CAMKV: variants seen among roughly 807,000 people sequenced by gnomAD.
CAMKV encodes the protein CaM kinase like vesicle associated, also known as caM kinase-like vesicle-associated protein.
CAMKV carries 5 observed loss-of-function variants against 50.2 expected under a neutral mutation model. That is an observed-to-expected ratio of 0.10 (90% CI 0.05 to 0.21). The LOEUF is 0.21. Ranked by LOEUF, CAMKV falls within the 10% of genes least tolerant of loss-of-function variation. The probability of loss-of-function intolerance (pLI) is 1.00; values close to 1 mark genes in which losing one functional copy is unlikely to be tolerated. For synonymous variants in CAMKV, 229 were observed against 250.1 expected (o/e 0.92, Z 0.80); for missense variants, 361 against 650.5 (o/e 0.55, Z 4.84).
chr3:49,859,144 A>T lies in CAMKV; in HGVS notation c.*174T>A. 1.7e-6 allele frequency: 1 copy of T among 581,652 alleles called. No homozygotes were observed. The highest frequency in any genetic ancestry group is 2.7e-5 in the South Asian group (1 of 37,268). The allele number at this position is 581,652 out of a possible 1,614,324, so 36.0% of individuals were successfully genotyped here. A position where few individuals can be genotyped will look rare whatever the true frequency, so the allele number is the denominator to read the frequency against. ...ACTGGCCTGCCCACCACTCACACAC[A>T]TACACACAGGAGACGAGACTGCTCT... On this transcript the variant is annotated 3_prime_UTR_variant, in exon 11 of 11. Coordinates refer to ENST00000477224, the MANE Select transcript of CAMKV (RefSeq NM_024046.5). This position sits in a 1 kb window ranked among gnomAD's most constrained non-coding sequence, Gnocchi z 5.5.
chr3:49,868,010 A>T (rs1424361044), intron 1 of CAMKV, among the ~76,000 whole-genome samples: 1 of 152,094 alleles, frequency 6.6e-6, no homozygotes, highest in Admixed American at 6.5e-5. Context: ...ACATACACTG[A>T]ACTTGGTGTA....
rs751741882 is a variant in CAMKV, at chr3:49,860,299, C to T, written c.855-41G>A. ...GTGTGTCTGGATCTGAGAGAATGAG[C>T]CTTTGTGGAGACTCTGCTCAGCCCT... is the stretch of plus-strand genomic sequence containing the variant. On this transcript the variant is annotated intron_variant, in intron 9 of 10. Transcript: ENST00000477224. This position sits in a 1 kb window ranked among gnomAD's most constrained non-coding sequence, Gnocchi z 6.1. The T allele has an allele frequency of 6.3e-7, 1 of 1,594,554 alleles. No homozygotes were observed. The highest frequency in any genetic ancestry group is 1.7e-5 in the Admixed American group (1 of 59,962).
chr3:49,860,329 T>C lies in CAMKV; in HGVS notation c.855-71A>G, dbSNP rs889989595. The C allele has an allele frequency of 5.9e-5, 92 of 1,553,788 alleles. No individual in the cohort carries two copies. The highest frequency in any genetic ancestry group is 4.7e-4 in the Admixed American group (28 of 59,696). On this transcript the variant is annotated intron_variant, in intron 9 of 10. Transcript: ENST00000477224. The surrounding 1 kb of genome is among the most constrained non-coding windows in gnomAD (Gnocchi z 6.1). ...GTGGAGACTCTGCTCAGCCCTTCTA[T>C]GTGGCATCCAGGGACTACCAGGCAG...
chr3:49,860,576 G>C lies in CAMKV; in HGVS notation c.776-27C>G, dbSNP rs571912852. On this transcript the variant is annotated intron_variant, in intron 8 of 10. Coordinates refer to ENST00000477224, the MANE Select transcript of CAMKV (RefSeq NM_024046.5). The surrounding 1 kb of genome is among the most constrained non-coding windows in gnomAD (Gnocchi z 6.1). ...TGTGGACAAAACCAAGAAGGGGATA[G>C]TCATGGGCACCCCATCTCAATGTCT... The C allele has an allele frequency of 6.2e-7, 1 of 1,611,616 alleles. No homozygotes were observed. Among genetic ancestry groups the C allele is most frequent in the Non-Finnish European group, 8.5e-7 (1 of 1,178,550 alleles).
chr3:49,868,973 C>T (rs2082085853), intron 1 of CAMKV, among the ~76,000 whole-genome samples: 1 of 152,152 alleles, frequency 6.6e-6, no homozygotes, highest in South Asian at 2.1e-4. Context: ...GGGTCTCTGC[C>T]AAACAGTACA....
At position 49,862,122 on chromosome 3, in the gene CAMKV, G is replaced by A; in HGVS notation, c.150C>T (p.His50=). ...RAKDKTTGKL[H]TCKKFQKRDG... is the part of the protein sequence containing the mutation. ...CCCGCTTCTGGAACTTCTTGCAGGT[G>A]TGCAGCTTGCCTGTCGTCTTGTCCT... Residue 50 remains histidine, a synonymous_variant, in exon 3 of 11, where the codon CAC becomes CAT. Transcript: ENST00000477224. This position sits in a 1 kb window ranked among gnomAD's most constrained non-coding sequence, Gnocchi z 5.2. 1 of 1,614,192 alleles carries A rather than the reference G, an allele frequency of 6.2e-7. No individual in the cohort carries two copies. Among genetic ancestry groups the A allele is most frequent in the Non-Finnish European group, 8.5e-7 (1 of 1,180,046 alleles).
In CAMKV at chr3:49,867,458, G is replaced by A. The variant is rs911288010; in HGVS notation, c.-15+2300C>T. ...TGTCAACATGCAGGCAAAGCCAAAG[G>A]CCAGCTGTCTCCTCCCAAGCACTTG... On this transcript the variant is annotated intron_variant, in intron 1 of 10. Transcript: ENST00000477224. Among the ~76,000 whole-genome samples the A allele has an allele frequency of 5.9e-5, 9 of 152,336 alleles. 1 individual carries two copies. Among genetic ancestry groups the A allele is most frequent in the Admixed American group, 2.6e-4 (4 of 15,302 alleles).
chr3:49,868,396 G>A (rs2082081176), intron 1 of CAMKV, among the ~76,000 whole-genome samples: 1 of 152,106 alleles, frequency 6.6e-6, no homozygotes, highest in African/African-American at 2.4e-5. Flanking sequence ...GGCACCACAA[G>A]CAACCCAGAA....
Position 49,862,457 on chromosome 3 carries a change from A to T in CAMKV, c.-14-55T>A. On this transcript the variant is annotated intron_variant, in intron 1 of 10. Coordinates refer to ENST00000477224, the MANE Select transcript of CAMKV (RefSeq NM_024046.5). The surrounding 1 kb of genome is among the most constrained non-coding windows in gnomAD (Gnocchi z 5.2). ...GTACTACTCTCCACTTCCCCACAAC[A>T]TAGGGGCTGCTTTTGGGAGACCCCA... 2.1e-6 allele frequency: 3 copies of T among 1,462,048 alleles called. No homozygotes were observed. Among genetic ancestry groups the T allele is most frequent in the Non-Finnish European group, 2.9e-6 (3 of 1,041,448 alleles). 90.6% of individuals were successfully genotyped at this position (1,462,048 alleles called of 1,614,324 possible).
In CAMKV at chr3:49,862,281, G is replaced by A; in HGVS notation, c.95+13C>T. 2 of 1,614,178 alleles carry A rather than the reference G, an allele frequency of 1.2e-6. No individual in the cohort carries two copies. The highest frequency in any genetic ancestry group is 1.7e-6 in the Non-Finnish European group (2 of 1,180,018). ...CAGCCCACCCAGCCTTGCCTGACAG[G>A]CCCGGCACTCACGTCTTGATGACCT... On this transcript the variant is annotated intron_variant, in intron 2 of 10. Coordinates refer to ENST00000477224, the MANE Select transcript of CAMKV (RefSeq NM_024046.5). This position sits in a 1 kb window ranked among gnomAD's most constrained non-coding sequence, Gnocchi z 5.2.
chr3:49,859,707 C>A lies in CAMKV; in HGVS notation c.1117G>T (p.Ala373Ser). 6.2e-7 allele frequency: 1 copy of A among 1,608,976 alleles called. No individual in the cohort carries two copies. The highest frequency in any genetic ancestry group is 8.5e-7 in the Non-Finnish European group (1 of 1,177,074). ...TSAPEGDAAR[A>S]AKSDNVAPAD... ...GGGGCCACATTATCACTCTTTGCAG[C>A]ACGAGCAGCATCACCCTCAGGGGCT... Residue 373 changes from alanine (A) to serine (S), a missense_variant, in exon 11 of 11, where the codon GCT becomes TCT. Around this residue, in one of 4 missense-constraint regions of CAMKV, gnomAD observed 87 missense variants for 92.0 expected, o/e 0.95. Coordinates refer to ENST00000477224, the MANE Select transcript of CAMKV (RefSeq NM_024046.5). This position sits in a 1 kb window ranked among gnomAD's most constrained non-coding sequence, Gnocchi z 5.5.
Position 49,862,675 on chromosome 3 carries a change from C to A in CAMKV, c.-14-273G>T, listed in dbSNP as rs1345562317. On this transcript the variant is annotated intron_variant, in intron 1 of 10. Transcript: ENST00000477224. This position sits in a 1 kb window ranked among gnomAD's most constrained non-coding sequence, Gnocchi z 5.2. ...GGAATAGTTTTGTATTCTATACATT[C>A]AAAAAAAAGGCTTATCAAACAGTTT... 1.3e-5 allele frequency among the ~76,000 whole-genome samples: 2 copies of A among 151,510 alleles called. No individual in the cohort carries two copies. Among genetic ancestry groups the A allele is most frequent in the Non-Finnish European group, 2.9e-5 (2 of 67,852 alleles).
Position 49,861,149 on chromosome 3 carries a change from T to C in CAMKV, c.562+31A>G. On this transcript the variant is annotated intron_variant, in intron 6 of 10. Coordinates refer to ENST00000477224, the MANE Select transcript of CAMKV (RefSeq NM_024046.5). The surrounding 1 kb of genome is among the most constrained non-coding windows in gnomAD (Gnocchi z 7.7). ...GCTCCCTGAAGGCTGCCCCCCATTA[T>C]CCCCCTGCCCCTGCCCCACCCCCTG... is the stretch of plus-strand genomic sequence containing the variant. 1 of 1,585,082 alleles carries C rather than the reference T, an allele frequency of 6.3e-7. No homozygotes were observed. Among genetic ancestry groups the C allele is most frequent in the Non-Finnish European group, 8.6e-7 (1 of 1,165,484 alleles).
chr3:49,865,858 G>A (rs2082060999), intron 1 of CAMKV, among the ~76,000 whole-genome samples: 1 of 152,218 alleles, frequency 6.6e-6, no homozygotes, highest in African/African-American at 2.4e-5. Context: ...AGTGTGGCGT[G>A]GGTGGGAGGT....
chr3:49,861,030 GC>G lies in CAMKV; in HGVS notation c.563-13del. 6.2e-7 allele frequency: 1 copy of G among 1,613,966 alleles called. No homozygotes were observed. The highest frequency in any genetic ancestry group is 1.6e-4 in the Middle Eastern group (1 of 6,062). On this transcript the variant is annotated splice_polypyrimidine_tract_variant and intron_variant, in intron 6 of 10. Transcript: ENST00000477224. The surrounding 1 kb of genome is among the most constrained non-coding windows in gnomAD (Gnocchi z 7.7). ...TACCACCTCTGGGGCTACAAACACA[GC>G]GCCCATCTGCTGGTCAGTATCAGGC...
At position 49,858,252 on chromosome 3, in the gene CAMKV, T is replaced by C. The variant is rs774966255; in HGVS notation, c.*1066A>G. The C allele has an allele frequency of 2.5e-5, 10 of 398,688 alleles. No homozygotes were observed. The highest frequency in any genetic ancestry group is 4.4e-5 in the Non-Finnish European group (10 of 226,082). The allele number at this position is 398,688 out of a possible 1,614,324, so 24.7% of individuals were successfully genotyped here. A position where few individuals can be genotyped will look rare whatever the true frequency, so the allele number is the denominator to read the frequency against. On this transcript the variant is annotated 3_prime_UTR_variant, in exon 11 of 11. Coordinates refer to ENST00000477224, the MANE Select transcript of CAMKV (RefSeq NM_024046.5). ...CAGAAAAAGCAACTCAATGTGGCTC[T>C]GAGGCACCTGGGCCTCTGATAGAAG...
intron 1 of CAMKV, among the ~76,000 whole-genome samples, chr3:49,867,953 T>TC (rs1292501927): frequency 6.6e-6 from 1 of 152,104 alleles, no homozygotes; most frequent in African/African-American, 2.4e-5. Flanking sequence ...CCAGGAGCTA[T>TC]CCATGGTACT....
intron 1 of CAMKV, among the ~76,000 whole-genome samples, chr3:49,865,094 C>T (rs1270415585): frequency 2.0e-5 from 3 of 152,188 alleles, no homozygotes; most frequent in Non-Finnish European, 2.9e-5. Flanking sequence ...AGCATTATTC[C>T]AGACAGGGTT....
chr3:49,863,467 C>T (rs1315803160), intron 1 of CAMKV: 1 of 152,098 alleles, frequency 6.6e-6, no homozygotes, highest in Non-Finnish European at 1.5e-5. Context: ...TTTTGACCTG[C>T]TTCGTCTCTG....
Sources: gnomAD v4.1 joint callset for allele counts (sites outside exome capture counted in the v4.1 genomes callset) on GRCh38, gnomAD v4.1.1 for gene constraint, gnomAD v4.1.1 regional missense constraint, Gnocchi (gnomAD v3.1) non-coding constraint, MANE v1.5 for transcripts, NCBI Gene and HGNC (gene_info 2026-07-23, HGNC 2026-07-21) for gene names.